ROBO2: variants seen among roughly 807,000 people sequenced by gnomAD.
ROBO2 encodes the protein roundabout guidance receptor 2, also known as roundabout homolog 2.
ROBO2 carries 53 observed loss-of-function variants against 160.8 expected under a neutral mutation model. The observed-to-expected ratio is 0.33, with a 90% confidence interval of 0.26 to 0.41. The LOEUF is 0.41. Ranked by LOEUF, ROBO2 falls within the 10% of genes least tolerant of loss-of-function variation. The pLI is 1.00. For synonymous variants in ROBO2, 664 were observed against 611.7 expected, an observed-to-expected ratio of 1.09 and a Z score of -1.26; for missense variants, 1,577 against 1,722.4, an observed-to-expected ratio of 0.92 and a Z score of 1.49.
chr3:77,459,952 G>A (rs866688247), intron 2 of ROBO2, among the ~76,000 whole-genome samples: 34 of 150,966 alleles, frequency 2.3e-4, no homozygotes, highest in Admixed American at 6.0e-4. Flanking sequence ...GAGTGGGTGG[G>A]GGGGTCCTTC....
intron 2 of ROBO2, among the ~76,000 whole-genome samples, chr3:76,754,693 T>C (rs1376840649): frequency 1.3e-5 from 2 of 151,866 alleles, no homozygotes; most frequent in Admixed American, 6.6e-5. Flanking sequence ...TATCAATAAC[T>C]CATGCATAGA....
At chr3:77,577,814 C>T (rs978411454) in intron 15 of ROBO2, among the ~76,000 whole-genome samples, 200 bp downstream of exon 16, 7 of 152,044 alleles carry the variant, frequency 4.6e-5, no homozygotes, top group Non-Finnish European at 8.8e-5. Context: ...CACACAAACC[C>T]AGTTGAACAA....
chr3:76,594,453 T>C (rs968530855), intron 2 of ROBO2, among the ~76,000 whole-genome samples: 3 of 151,988 alleles, frequency 2.0e-5, no homozygotes, highest in Admixed American at 6.6e-5. Context: ...AAGTGACAAA[T>C]AGGTGCTTGG....
At chr3:77,305,302 GA>G (rs2063006205) in intron 2 of ROBO2, among the ~76,000 whole-genome samples, 2 of 152,200 alleles carry the variant, frequency 1.3e-5, no homozygotes, top group Non-Finnish European at 2.9e-5. Context: ...CAAAACAAGG[GA>G]TTTCAACTGC....
At chr3:77,164,898 C>T (rs1294215794) in intron 2 of ROBO2, among the ~76,000 whole-genome samples, 2 of 99,622 alleles carry the variant, frequency 2.0e-5, no homozygotes, top group Admixed American at 9.7e-5. Flanking sequence ...GGGGGGTCAG[C>T]CCCCCGCCCG....
Position 77,433,486 on chromosome 3 carries a change from G to GTACATATATATATATA in ROBO2, c.389-43926_389-43925insCATATATATATATATA, listed in dbSNP as rs1325507347. On this transcript the variant is annotated intron_variant, in intron 2 of 25. Transcript: ENST00000461745. ...GATTTTCCTTCTTCTCTGGCAACTT[G>GTACATATATATATATA]TATATATATATATATATATATATAT... Among the ~76,000 whole-genome samples the GTACATATATATATATA allele has an allele frequency of 7.2e-3, 718 of 99,376 alleles. 55 individuals are homozygous for GTACATATATATATATA. The highest frequency in any genetic ancestry group is 0.011 in the South Asian group (31 of 2,828). 65.2% of individuals were successfully genotyped at this position (99,376 alleles called of 152,430 possible). A position where few individuals can be genotyped will look rare whatever the true frequency, so the allele number is the denominator to read the frequency against.
chr3:76,702,463 A>G (rs1294957842), intron 2 of ROBO2, among the ~76,000 whole-genome samples: 1 of 152,182 alleles, frequency 6.6e-6, no homozygotes, highest in East Asian at 1.9e-4. Context: ...ACAAACAAAC[A>G]AACAGAAAAC....
At chr3:77,622,097 G>A in intron 22 of ROBO2, 130 bp from the exon 24 acceptor site, 2 of 769,258 alleles carry the variant, frequency 2.6e-6, no homozygotes, top group Middle Eastern at 7.5e-4. Flanking sequence ...AAAGCATTAT[G>A]AACTCCTAAA....
chr3:76,703,782 G>T (rs1158909790), intron 2 of ROBO2, among the ~76,000 whole-genome samples: 1 of 152,054 alleles, frequency 6.6e-6, no homozygotes, highest in African/African-American at 2.4e-5. Flanking sequence ...GTTTGGATTG[G>T]TTCCAACTCT....
At chr3:77,249,428 A>G (rs1156777454) in intron 2 of ROBO2, among the ~76,000 whole-genome samples, 3 of 152,202 alleles carry the variant, frequency 2.0e-5, no homozygotes, top group Admixed American at 1.3e-4. Flanking sequence ...GGCATCCAGT[A>G]AGAACAAAGT....
At chr3:77,303,610 A>G (rs2153415080) in intron 2 of ROBO2, among the ~76,000 whole-genome samples, 1 of 152,220 alleles carries the variant, frequency 6.6e-6, no homozygotes, top group African/African-American at 2.4e-5. Context: ...ATATAGGGGT[A>G]TCTTATAACT....
chr3:76,727,855 A>G (rs1485806928), intron 2 of ROBO2, among the ~76,000 whole-genome samples: 2 of 152,168 alleles, frequency 1.3e-5, no homozygotes, highest in African/African-American at 4.8e-5. Context: ...GGGTGACTAT[A>G]GTTAACAACA....
chr3:77,038,448 C>T (rs1036867585), upstream of ROBO2, among the ~76,000 whole-genome samples: 4 of 152,080 alleles, frequency 2.6e-5, no homozygotes, highest in African/African-American at 9.7e-5. Flanking sequence ...TTTAAAAGAA[C>T]ACACAGCGCC....
At position 77,271,263 on chromosome 3, in the gene ROBO2, T is replaced by C. The variant is rs540050166; in HGVS notation, c.388+172923T>C. ...AGTGTAAGCTACCATAATATTTACC[T>C]GAGGATTTTTCATGTTTTTCTAACA... On this transcript the variant is annotated intron_variant, in intron 2 of 25. Transcript: ENST00000461745. Among the ~76,000 whole-genome samples, 6 of 152,332 alleles carry C rather than the reference T, an allele frequency of 3.9e-5. No individual in the cohort carries two copies. In the East Asian group the frequency reaches 9.7e-4, roughly 25 times the overall value.
chr3:77,192,415 T>C (rs755376464), intron 2 of ROBO2, among the ~76,000 whole-genome samples: 1 of 152,198 alleles, frequency 6.6e-6, no homozygotes, highest in Non-Finnish European at 1.5e-5. Context: ...CCAATTCCTA[T>C]AGAATAAGTA....
intron 2 of ROBO2, among the ~76,000 whole-genome samples, chr3:76,603,332 CAAAAAAA>C (rs61547121): frequency 1.1e-3 from 75 of 66,420 alleles, no homozygotes; most frequent in Admixed American, 1.4e-3. Context: ...ACTCCATCTC[CAAAAAAA>C]AAAAAAAAAA....
chr3:77,200,277 A>T (rs1253280776), intron 2 of ROBO2, among the ~76,000 whole-genome samples: 2 of 30,088 alleles, frequency 6.6e-5, no homozygotes, highest in Non-Finnish European at 1.2e-4. Context: ...TTATATATAT[A>T]TATATATATA....
intron 2 of ROBO2, among the ~76,000 whole-genome samples, chr3:76,285,164 T>G (rs1708446101): frequency 6.6e-6 from 1 of 152,170 alleles, no homozygotes; most frequent in Admixed American, 6.6e-5. Context: ...TGTATGTGAA[T>G]TCTATTAAAA....
rs76966070 is a variant in ROBO2 at position 77,072,579 on chromosome 3, A to C, written c.62-25435A>C. On this transcript the variant is annotated intron_variant, in intron 1 of 25. Transcript: ENST00000461745. ...TGTCTGTCAGGACTATGCTTAAAGA[A>C]GGCTTTCTCCTAATAATCAAATTAA... Among the ~76,000 whole-genome samples the C allele has an allele frequency of 9.1e-3, 1,378 of 152,254 alleles. 19 individuals are homozygous for C. Among genetic ancestry groups the C allele is most frequent in the African/African-American group, 0.032 (1,344 of 41,566 alleles).
Sources: gnomAD v4.1 joint callset for allele counts (sites outside exome capture counted in the v4.1 genomes callset) on GRCh38, gnomAD v4.1.1 for gene constraint, MANE v1.5 for transcripts, NCBI Gene and HGNC (gene_info 2026-07-23, HGNC 2026-07-21) for gene names.